SLC44A4: variants seen among roughly 807,000 people sequenced by gnomAD.
SLC44A4 encodes choline transporter-like protein 4.
Under a neutral mutation model 97.0 loss-of-function variants are expected in SLC44A4, and 74 were observed. That is an observed-to-expected ratio of 0.76 (90% CI 0.63 to 0.93). SLC44A4 has a LOEUF of 0.93. SLC44A4 is among the 40% of genes least tolerant of loss of function. SLC44A4 has a pLI of 0.00. For missense variants in SLC44A4, 799 were observed against 902.9 expected (o/e 0.88, Z 1.48); for synonymous variants, 325 against 363.8 (o/e 0.89, Z 1.21).
rs760145005 is a variant in SLC44A4, at chr6:31,865,526, T to C, written c.1658A>G (p.Lys553Arg). 1.9e-6 allele frequency: 3 copies of C among 1,600,972 alleles called. No individual in the cohort carries two copies. The highest frequency in any genetic ancestry group is 8.5e-7 in the Non-Finnish European group (1 of 1,170,638). Residue 553 changes from lysine (K) to arginine (R), a missense_variant, in exon 16 of 21, where the codon AAG (lysine) becomes AGG (arginine). This residue lies in a region of SLC44A4 where 379 missense variants were observed against 438.3 expected (regional missense o/e 0.86). Coordinates refer to ENST00000229729, the MANE Select transcript of SLC44A4 (RefSeq NM_025257.3). The surrounding 1 kb of genome is among the most constrained non-coding windows in gnomAD (Gnocchi z 5.2). ...CCLWCLEKFI[K>R]FLNRNAYIMI... ...GATGTATGCATTGCGGTTTAGGAACTTGATAAATTTTTCCAGACACCAGAG... is the reference window on the plus strand; with the variant it reads ...GATGTATGCATTGCGGTTTAGGAACCTGATAAATTTTTCCAGACACCAGAG...
intron 11 of SLC44A4, 59 bp downstream of exon 11, chr6:31,870,544 C>G: frequency 1.4e-6 from 2 of 1,421,346 alleles, no homozygotes; most frequent in South Asian, 1.2e-5. Flanking sequence ...CCTAGGTCCC[C>G]TAGCACTCCT....
chr6:31,865,590 G>T lies in SLC44A4; in HGVS notation c.1594C>A (p.Pro532Thr). 4 of 1,602,950 alleles carry T rather than the reference G, an allele frequency of 2.5e-6. No individual in the cohort carries two copies. The highest frequency in any genetic ancestry group is 3.4e-6 in the Non-Finnish European group (4 of 1,171,984). Residue 532 changes from proline to threonine, a missense_variant, in exon 16 of 21, where the codon CCT (proline) becomes ACT (threonine). Pro to Thr is a conservative substitution (Grantham distance 38). Transcript: ENST00000229729. This position sits in a 1 kb window ranked among gnomAD's most constrained non-coding sequence, Gnocchi z 5.2. ...CAGCACATGATGCAGCGGGCTACAG[G>T]GTTCTGCACTCCTGGGAGCGAGGAA... Reference protein sequence around the residue: ...IDHKLRGVQNPVARCIMCCFK... With the variant: ...IDHKLRGVQNTVARCIMCCFK...
In SLC44A4 at chr6:31,865,929, G is replaced by C; in HGVS notation, c.1431C>G (p.His477Gln). The stretch of plus-strand genomic sequence containing the variant: ...GGAAGGTAGGGATGTCCTGGGGCTT[G>C]TGGAAGGCCCAGTAGAAGGAGGCAA... The part of the protein sequence containing the change: ...GAFASFYWAF[H>Q]KPQDIPTFPL... Residue 477 changes from histidine to glutamine, a missense_variant, in exon 14 of 21, where the codon CAC becomes CAG. By Grantham distance (24) the His-to-Gln change is conservative. Coordinates refer to ENST00000229729, the MANE Select transcript of SLC44A4 (RefSeq NM_025257.3). This position sits in a 1 kb window ranked among gnomAD's most constrained non-coding sequence, Gnocchi z 5.2. The C allele has an allele frequency of 6.2e-7, 1 of 1,614,228 alleles. No homozygotes were observed. Among genetic ancestry groups the C allele is most frequent in the Non-Finnish European group, 8.5e-7 (1 of 1,180,032 alleles).
Position 31,866,072 on chromosome 6 carries a change from A to G in SLC44A4, c.1288T>C (p.Ser430Pro). ...PGLMCVFQGY[S>P]SKGLIQRSVF... is the part of the protein sequence containing the mutation. The stretch of plus-strand genomic sequence containing the variant: ...GAACGTTGGATTAGGCCTTTGGATG[A>G]GTAGCCCTGGAAGACGCACATCAGC... The change falls in exon 14 of 21, where the codon TCA becomes CCA. Residue 430 changes from serine (S) to proline (P), a missense_variant. This residue lies in a region of SLC44A4 where 379 missense variants were observed against 438.3 expected (regional missense o/e 0.86). Coordinates refer to ENST00000229729, the MANE Select transcript of SLC44A4 (RefSeq NM_025257.3). The G allele has an allele frequency of 1.2e-6, 2 of 1,614,200 alleles. No homozygotes were observed. Among genetic ancestry groups the G allele is most frequent in the Non-Finnish European group, 8.5e-7 (1 of 1,180,030 alleles).
chr6:31,874,691 G>A lies in SLC44A4; in HGVS notation c.468+30C>T, dbSNP rs760990052. ...CGTGCCCACCCTGGCCCTTCTGGGCGACAGTGATGAGGTTAGGGGCAATAT... is the reference window on the plus strand; with the variant it reads ...CGTGCCCACCCTGGCCCTTCTGGGCAACAGTGATGAGGTTAGGGGCAATAT... On this transcript the variant is annotated intron_variant, in intron 6 of 20. Transcript: ENST00000229729. The surrounding 1 kb of genome is among the most constrained non-coding windows in gnomAD (Gnocchi z 4.8). The A allele has an allele frequency of 3.8e-6, 6 of 1,582,562 alleles. No individual in the cohort carries two copies. In the Admixed American group the frequency reaches 7.2e-5, roughly 19 times the overall value.
chr6:31,864,926 G>A lies in SLC44A4; in HGVS notation c.1832-16C>T. ...GACAGGACCCCTGTGGAATAATTCTGGGGGTTAGTGCTGCACCTCTGAGGC... is the reference window on the plus strand; with the variant it reads ...GACAGGACCCCTGTGGAATAATTCTAGGGGTTAGTGCTGCACCTCTGAGGC... On this transcript the variant is annotated splice_polypyrimidine_tract_variant and intron_variant, in intron 18 of 20. Transcript: ENST00000229729. The A allele has an allele frequency of 6.2e-7, 1 of 1,613,818 alleles. No homozygotes were observed. Among genetic ancestry groups the A allele is most frequent in the East Asian group, 2.2e-5 (1 of 44,862 alleles).
Position 31,878,911 on chromosome 6 carries a change from A to T in SLC44A4, c.40+30T>A, listed in dbSNP as rs750639915. 6.2e-7 allele frequency: 1 copy of T among 1,612,054 alleles called. No individual in the cohort carries two copies. Among genetic ancestry groups the T allele is most frequent in the Non-Finnish European group, 8.5e-7 (1 of 1,178,790 alleles). On this transcript the variant is annotated intron_variant, in intron 1 of 20. Transcript: ENST00000229729. The surrounding 1 kb of genome is among the most constrained non-coding windows in gnomAD (Gnocchi z 4.0). ...AAAGTACCCGTCCTCCCCTCCCTCCACAGGGTCCCGGGCCTCGCCCCAGTC... is the reference window on the plus strand; with the variant it reads ...AAAGTACCCGTCCTCCCCTCCCTCCTCAGGGTCCCGGGCCTCGCCCCAGTC...
Position 31,876,954 on chromosome 6 carries a change from TAGCAAATACAA to T in SLC44A4, c.89+69_89+79del. 1.5e-6 allele frequency: 2 copies of T among 1,376,590 alleles called. No individual in the cohort carries two copies. The highest frequency in any genetic ancestry group is 2.0e-6 in the Non-Finnish European group (2 of 1,003,230). The allele number at this position is 1,376,590 out of a possible 1,614,324, so 85.3% of individuals were successfully genotyped here. ...TTTCACAAGTTTCCTACTAATATTT[TAGCAAATACAA>T]AGCAAATACTGGATTCCACACTGCA... On this transcript the variant is annotated intron_variant, in intron 2 of 20. Transcript: ENST00000229729. The surrounding 1 kb of genome is among the most constrained non-coding windows in gnomAD (Gnocchi z 4.8).
In SLC44A4 at chr6:31,870,642, C is replaced by T. The variant is rs142956647; in HGVS notation, c.998G>A (p.Arg333Gln). 30 of 1,608,830 alleles carry T rather than the reference C, an allele frequency of 1.9e-5. No homozygotes were observed. The highest frequency in any genetic ancestry group is 2.2e-5 in the East Asian group (1 of 44,504). The change falls in exon 11 of 21, where the codon CGG becomes CAG. Residue 333 changes from arginine (R) to glutamine (Q), a missense_variant. This residue lies in a region of SLC44A4 where 409 missense variants were observed against 434.1 expected (regional missense o/e 0.94). Coordinates refer to ENST00000229729, the MANE Select transcript of SLC44A4 (RefSeq NM_025257.3). Reference protein sequence around the residue: ...LLLMLIFLRQRIRIAIALLKE... With the variant: ...LLLMLIFLRQQIRIAIALLKE... ...CAGGAGGGCGATGGCAATACGAATC[C>T]GCTGCCGCAGGAAGATGAGCATCAG...
Position 31,865,044 on chromosome 6 carries a change from C to G in SLC44A4, c.1797G>C (p.Leu599=). The G allele has an allele frequency of 6.2e-7, 1 of 1,613,630 alleles. No individual in the cohort carries two copies. Residue 599 remains leucine, a synonymous_variant, in exon 18 of 21, where the codon CTG becomes CTC. Coordinates refer to ENST00000229729, the MANE Select transcript of SLC44A4 (RefSeq NM_025257.3). This position sits in a 1 kb window ranked among gnomAD's most constrained non-coding sequence, Gnocchi z 5.2. ...VVLDKVTDLL[L]FFGKLLVVGG... ...CGACCACCAGCAGCTTCCCAAAGAA[C>G]AGCAGCAGGTCTGTGACTTTGTCCA... is the stretch of plus-strand genomic sequence containing the variant.
At chr6:31,869,098 C>T in intron 13 of SLC44A4, 57 bp downstream of exon 13, 17 of 1,390,248 alleles carry the variant, frequency 1.2e-5, no homozygotes, top group Non-Finnish European at 1.7e-5. Flanking sequence ...AGGAATGTGG[C>T]CCCTACAGCC....
At chr6:31,868,939 A>G (rs986683350) in intron 13 of SLC44A4, among the ~76,000 whole-genome samples, 3 of 152,194 alleles carry the variant, frequency 2.0e-5, no homozygotes, top group Non-Finnish European at 2.9e-5. Context: ...TGTCTCTCCC[A>G]GCCTCAGTTT....
At position 31,878,789 on chromosome 6, in the gene SLC44A4, C is replaced by G; in HGVS notation, c.40+152G>C. 1.1e-6 allele frequency: 1 copy of G among 932,930 alleles called. No individual in the cohort carries two copies. Among genetic ancestry groups the G allele is most frequent in the Non-Finnish European group, 1.7e-6 (1 of 585,172 alleles). The allele number at this position is 932,930 out of a possible 1,614,324, so 57.8% of individuals were successfully genotyped here. A position where few individuals can be genotyped will look rare whatever the true frequency, so the allele number is the denominator to read the frequency against. On this transcript the variant is annotated intron_variant, in intron 1 of 20. Transcript: ENST00000229729. The surrounding 1 kb of genome is among the most constrained non-coding windows in gnomAD (Gnocchi z 4.0). ...CCATCCTCCTCCCAGGACCCTGACTCCCTCCCTCCATGGCTCCCGGTTCCC... is the reference window on the plus strand; with the variant it reads ...CCATCCTCCTCCCAGGACCCTGACTGCCTCCCTCCATGGCTCCCGGTTCCC...
rs61729553 is a variant in SLC44A4, at chr6:31,871,518, C to T, written c.573G>A (p.Ala191=). The T allele has an allele frequency of 6.9e-4, 1,112 of 1,613,762 alleles. 5 individuals are homozygous for T. In the African/African-American group the frequency reaches 0.011, roughly 17 times the overall value. Residue 191 remains alanine (A), a synonymous_variant, in exon 8 of 21, where the codon GCG becomes GCA. Coordinates refer to ENST00000229729, the MANE Select transcript of SLC44A4 (RefSeq NM_025257.3). ...TGGTGTCATTGGTGATCCCTGGGAG[C>T]GCCGGTGGAGTAACGTTGGTCCATG... ...CFPWTNVTPP[A]LPGITNDTTI... is the part of the protein sequence containing the mutation.
chr6:31,867,577 T>C (rs1762930721), intron 13 of SLC44A4, among the ~76,000 whole-genome samples: 1 of 151,704 alleles, frequency 6.6e-6, no homozygotes, highest in South Asian at 2.1e-4. Flanking sequence ...AAAAAAAAAA[T>C]TAGCCGGGCA....
At chr6:31,864,528 C>T (rs1159490271) in intron 20 of SLC44A4, 124 bp downstream of exon 20, 2 of 896,920 alleles carry the variant, frequency 2.2e-6, no homozygotes, top group Non-Finnish European at 3.6e-6. Flanking sequence ...AAGAAGCTCC[C>T]TCTGGTTCGT....
At chr6:31,870,727 C>A in intron 10 of SLC44A4, 25 bp from the exon 11 acceptor site, 1 of 1,611,464 alleles carries the variant, frequency 6.2e-7, no homozygotes, top group Non-Finnish European at 8.5e-7. Context: ...GCAGACAGAC[C>A]TAGGTCAGGG....
chr6:31,869,373 T>C, intron 12 of SLC44A4, 116 bp from the exon 13 acceptor site: 1 of 982,552 alleles, frequency 1.0e-6, no homozygotes, highest in South Asian at 1.6e-5. Context: ...AGGGCTGAAA[T>C]TCAGCCTGTG....
In SLC44A4 at chr6:31,877,051, T is replaced by C; in HGVS notation, c.72A>G (p.Arg24=). 6.2e-7 allele frequency: 1 copy of C among 1,609,924 alleles called. No homozygotes were observed. Among genetic ancestry groups the C allele is most frequent in the Admixed American group, 1.7e-5 (1 of 59,534 alleles). Residue 24 remains arginine (R), a synonymous_variant, in exon 2 of 21, where the codon CGA becomes CGG. Transcript: ENST00000229729. The surrounding 1 kb of genome is among the most constrained non-coding windows in gnomAD (Gnocchi z 6.5). The part of the protein sequence containing the change: ...GKPVKYDPSF[R]GPIKNRSCTD... ...GAGCTCACCTGTTCTTGATGGGGCC[T>C]CGAAAGGAGGGGTCGTATTTGACTG...
Sources: gnomAD v4.1 joint callset for allele counts (sites outside exome capture counted in the v4.1 genomes callset) on GRCh38, gnomAD v4.1.1 for gene constraint, gnomAD v4.1.1 regional missense constraint, Gnocchi (gnomAD v3.1) non-coding constraint, MANE v1.5 for transcripts, NCBI Gene and HGNC (gene_info 2026-07-23, HGNC 2026-07-21) for gene names.